Variants in KCNQ5 observed in about 807,000 individuals in gnomAD.
The protein encoded by KCNQ5 is potassium voltage-gated channel subfamily KQT member 5.
A neutral mutation model predicts 98.2 loss-of-function variants in KCNQ5; 30 were observed. The ratio of observed to expected loss-of-function variants is 0.31; its 90% confidence interval spans 0.23 to 0.41. The LOEUF (loss-of-function observed/expected upper bound fraction) is 0.41. KCNQ5 is among the 10% of genes least tolerant of loss of function. The probability of loss-of-function intolerance (pLI) is 1.00; values close to 1 mark genes in which losing one functional copy is unlikely to be tolerated. For synonymous variants in KCNQ5, 458 were observed against 449.4 expected, an observed-to-expected ratio of 1.02 and a Z score of -0.24; for missense variants, 835 against 1,182.5, an observed-to-expected ratio of 0.71 and a Z score of 4.31.
intron 1 of KCNQ5, among the ~76,000 whole-genome samples, chr6:72,813,995 AT>A (rs982637998): frequency 6.6e-6 from 1 of 152,002 alleles, no homozygotes; most frequent in Non-Finnish European, 1.5e-5. Flanking sequence ...CTGTATAAAG[AT>A]TTGGTTCATG....
intron 10 of KCNQ5, among the ~76,000 whole-genome samples, chr6:73,140,907 C>T (rs1318952144): frequency 6.6e-6 from 1 of 152,154 alleles, no homozygotes; most frequent in East Asian, 1.9e-4. Flanking sequence ...ACATATCCTA[C>T]TCCTCTGCTG....
chr6:72,984,313 A>T (rs1768633152), intron 1 of KCNQ5, among the ~76,000 whole-genome samples: 1 of 152,148 alleles, frequency 6.6e-6, no homozygotes, highest in African/African-American at 2.4e-5. Context: ...CCCTGCCCCC[A>T]GAGGTGGAGT....
At chr6:72,854,997 A>G (rs1777465837) in intron 1 of KCNQ5, among the ~76,000 whole-genome samples, 3 of 152,038 alleles carry the variant, frequency 2.0e-5, no homozygotes, top group Admixed American at 2.0e-4. Flanking sequence ...TTAGTGGAAC[A>G]AGAAGTGCTA....
chr6:72,949,010 A>T (rs1225737491), intron 1 of KCNQ5, among the ~76,000 whole-genome samples: 1 of 152,198 alleles, frequency 6.6e-6, no homozygotes, highest in Non-Finnish European at 1.5e-5. Context: ...AAATCAAAGT[A>T]GTGTTCCTTG....
intron 1 of KCNQ5, among the ~76,000 whole-genome samples, chr6:72,873,114 T>C (rs1237901796): frequency 6.6e-6 from 1 of 152,182 alleles, no homozygotes; most frequent in African/African-American, 2.4e-5. Context: ...TCTTGCATTT[T>C]CTTTTCAATC....
chr6:72,878,933 C>T (rs1778527448), intron 1 of KCNQ5, among the ~76,000 whole-genome samples: 1 of 152,154 alleles, frequency 6.6e-6, no homozygotes, highest in Non-Finnish European at 1.5e-5. Context: ...TCGTGTATCC[C>T]TCTCAGCTGC....
At chr6:73,189,965 G>C (rs1363810221) in intron 11 of KCNQ5, among the ~76,000 whole-genome samples, 1 of 148,054 alleles carries the variant, frequency 6.8e-6, no homozygotes, top group East Asian at 2.0e-4. Context: ...CCAAGAGTTA[G>C]AGCCTGGGCA....
intron 1 of KCNQ5, among the ~76,000 whole-genome samples, chr6:72,929,346 A>G (rs1765587868): frequency 6.6e-6 from 1 of 152,152 alleles, no homozygotes; most frequent in African/African-American, 2.4e-5. Flanking sequence ...CAAATGGACA[A>G]TGAACTGCCC....
intron 3 of KCNQ5, among the ~76,000 whole-genome samples, chr6:73,067,908 C>G (rs1445316420): frequency 2.9e-5 from 3 of 102,734 alleles, no homozygotes; most frequent in Admixed American, 1.9e-4. Context: ...ATATATATAA[C>G]TAAAATTTGT....
At chr6:73,059,916 A>T (rs970937608) in intron 3 of KCNQ5, among the ~76,000 whole-genome samples, 7 of 152,184 alleles carry the variant, frequency 4.6e-5, no homozygotes, top group Non-Finnish European at 1.0e-4. Context: ...TCTAACTTTA[A>T]TTTTTAGAAA....
At chr6:73,152,813 A>T (rs1429167807) in intron 10 of KCNQ5, among the ~76,000 whole-genome samples, 1 of 152,174 alleles carries the variant, frequency 6.6e-6, no homozygotes, top group Admixed American at 6.5e-5. Context: ...TCTTGCACTG[A>T]TCAGATTCCC....
intron 5 of KCNQ5, among the ~76,000 whole-genome samples, chr6:73,078,928 T>C (rs545241199): frequency 4.1e-4 from 63 of 152,352 alleles, no homozygotes; most frequent in South Asian, 3.5e-3. Flanking sequence ...TGACATGGGA[T>C]ATAGGAGTGC....
intron 1 of KCNQ5, among the ~76,000 whole-genome samples, chr6:72,673,585 G>A (rs1767249276): frequency 6.6e-6 from 1 of 152,020 alleles, no homozygotes; most frequent in South Asian, 2.1e-4. Context: ...GATTCAGACA[G>A]GCAAAGGCAG....
intron 1 of KCNQ5, chr6:72,987,687 C>T (rs963119597): frequency 4.5e-5 from 27 of 593,702 alleles, no homozygotes; most frequent in African/African-American, 3.8e-4. Context: ...GCTTCTCCAC[C>T]GCCCCCAACA....
chr6:72,661,741 T>C (rs1349231701), intron 1 of KCNQ5, among the ~76,000 whole-genome samples: 1 of 152,142 alleles, frequency 6.6e-6, no homozygotes, highest in African/African-American at 2.4e-5. Context: ...TGGCTTGTTA[T>C]TTGGTCAGTT....
At chr6:73,064,822 A>G (rs1772976389) in intron 3 of KCNQ5, among the ~76,000 whole-genome samples, 1 of 152,102 alleles carries the variant, frequency 6.6e-6, no homozygotes, top group South Asian at 2.1e-4. Flanking sequence ...CACCTAGGTA[A>G]TTTACTCAAG....
intron 5 of KCNQ5, among the ~76,000 whole-genome samples, chr6:73,101,519 A>C (rs6933648): frequency 0.96 from 145,715 of 152,282 alleles, 69,712 homozygotes; most frequent in South Asian, 0.98. Context: ...GAGTCCCCAT[A>C]AAAAAACTAT....
At chr6:72,703,523 A>G (rs1189202781) in intron 1 of KCNQ5, among the ~76,000 whole-genome samples, 1 of 152,228 alleles carries the variant, frequency 6.6e-6, no homozygotes, top group Admixed American at 6.5e-5. Context: ...AAAATTTGAA[A>G]GGCTGAAAAT....
At chr6:73,054,400 A>C (rs1772374426) in intron 3 of KCNQ5, among the ~76,000 whole-genome samples, 3 of 152,068 alleles carry the variant, frequency 2.0e-5, no homozygotes, top group Admixed American at 2.0e-4. Flanking sequence ...AAAAAACAAA[A>C]CTTCAGGCCA....
Sources: gnomAD v4.1 joint callset for allele counts (sites outside exome capture counted in the v4.1 genomes callset) on GRCh38, gnomAD v4.1.1 for gene constraint, MANE v1.5 for transcripts, NCBI Gene and HGNC (gene_info 2026-07-23, HGNC 2026-07-21) for gene names.